MVB12B: variants seen among roughly 807,000 people sequenced by gnomAD.
MVB12B encodes the protein multivesicular body subunit 12B, also known as ESCRT-I complex subunit MVB12B.
MVB12B carries 16 observed loss-of-function variants against 41.6 expected under a neutral mutation model. The observed-to-expected ratio is 0.38, with a 90% CI of 0.26 to 0.58. The LOEUF (loss-of-function observed/expected upper bound fraction) is 0.58. Ranked by LOEUF, MVB12B falls within the 20% of genes least tolerant of loss-of-function variation. The pLI is 0.62. For missense variants in MVB12B, 274 were observed against 380.2 expected, an observed-to-expected ratio of 0.72 and a Z score of 2.32; for synonymous variants, 133 against 139.7, an observed-to-expected ratio of 0.95 and a Z score of 0.34.
chr9:126,487,809 T>C (rs953263988), intron 9 of MVB12B, among the ~76,000 whole-genome samples: 3 of 151,758 alleles, frequency 2.0e-5, no homozygotes, highest in Non-Finnish European at 4.4e-5. Flanking sequence ...GTATTTGCTA[T>C]TGAAGTAAAT....
At chr9:126,388,926 G>A (rs970127140) in intron 4 of MVB12B, among the ~76,000 whole-genome samples, 10 of 152,144 alleles carry the variant, frequency 6.6e-5, no homozygotes, top group Middle Eastern at 3.2e-3. Context: ...ATTGGTGTTC[G>A]TTTTTTGACA....
At chr9:126,347,720 C>T (rs952901392) in intron 2 of MVB12B, among the ~76,000 whole-genome samples, 1 of 152,142 alleles carries the variant, frequency 6.6e-6, no homozygotes, top group African/African-American at 2.4e-5. Flanking sequence ...ATATAGTGCT[C>T]AAGGAATTTT....
chr9:126,466,663 T>C (rs1386207990), intron 7 of MVB12B, among the ~76,000 whole-genome samples: 2 of 152,174 alleles, frequency 1.3e-5, no homozygotes, highest in African/African-American at 4.8e-5. Flanking sequence ...TATTGTTGAA[T>C]TTATTTACAT....
In MVB12B at chr9:126,326,971, G is replaced by A. The variant is rs1204407399; in HGVS notation, c.42G>A (p.Pro14=). ...CFCVRRSRDP[P]PPQPPPPPPQ... is the part of the protein sequence containing the mutation. ...GCGTGAGACGGAGCCGGGACCCGCC[G>A]CCGCCGCAGCCACCGCCGCCGCCGC... is the stretch of plus-strand genomic sequence containing the variant. The change falls in exon 1 of 10, where the codon CCG becomes CCA. Residue 14 remains proline, a synonymous_variant. Coordinates refer to ENST00000361171, the MANE Select transcript of MVB12B (RefSeq NM_033446.3). 5 of 259,130 alleles carry A rather than the reference G, an allele frequency of 1.9e-5. No homozygotes were observed. Among genetic ancestry groups the A allele is most frequent in the South Asian group, 3.3e-5 (1 of 30,024 alleles). The allele number at this position is 259,130 out of a possible 1,614,324, so 16.1% of individuals were successfully genotyped here.
intron 7 of MVB12B, among the ~76,000 whole-genome samples, chr9:126,424,464 G>A (rs1474193999): frequency 6.6e-6 from 1 of 152,144 alleles, no homozygotes; most frequent in African/African-American, 2.4e-5. Context: ...CCTTGCACAG[G>A]AGTACCCTCC....
rs147322534 is a variant in MVB12B, at chr9:126,359,103, C to T, written c.204+18473C>T. 7.9e-5 allele frequency among the ~76,000 whole-genome samples: 12 copies of T among 151,464 alleles called. No individual in the cohort carries two copies. In the East Asian group the frequency reaches 2.1e-3, roughly 27 times the overall value. ...GGAGACAGGGTCTCACTCTGTTGCC[C>T]AGGCTGGTATCCAGTCTCAGCTTCC... On this transcript the variant is annotated intron_variant, in intron 2 of 9. Coordinates refer to ENST00000361171, the MANE Select transcript of MVB12B (RefSeq NM_033446.3).
At chr9:126,413,121 C>A (rs1156610569) in intron 6 of MVB12B, among the ~76,000 whole-genome samples, 1 of 152,216 alleles carries the variant, frequency 6.6e-6, no homozygotes, top group African/African-American at 2.4e-5. Flanking sequence ...CTCACTCCAA[C>A]CCTCTCCACA....
chr9:126,471,074 T>C (rs572564415), intron 7 of MVB12B, among the ~76,000 whole-genome samples: 47 of 152,334 alleles, frequency 3.1e-4, no homozygotes, highest in Admixed American at 8.5e-4. Context: ...TCAGAGAGAT[T>C]AAATACTTGT....
chr9:126,369,658 G>GT lies in MVB12B; in HGVS notation c.205-11399dup, dbSNP rs1179834676. Among the ~76,000 whole-genome samples the GT allele has an allele frequency of 2.6e-5, 4 of 151,646 alleles. No homozygotes were observed. The South Asian group carries it at 8.3e-4, about 32-fold the overall frequency. On this transcript the variant is annotated intron_variant, in intron 2 of 9. Transcript: ENST00000361171. ...TTTTCACGTGGGTTTTTTTTTGTTTGTTTTTTTGTTTTTTGGCAGATTTTC... is the reference window on the plus strand; with the variant it reads ...TTTTCACGTGGGTTTTTTTTTGTTTGTTTTTTTTGTTTTTTGGCAGATTTTC...
chr9:126,369,061 C>T (rs1830263522), intron 2 of MVB12B, among the ~76,000 whole-genome samples: 1 of 152,214 alleles, frequency 6.6e-6, no homozygotes, highest in Non-Finnish European at 1.5e-5. Context: ...GCTGCTCAGC[C>T]TGTAGTTCTT....
At chr9:126,495,678 C>T (rs1438883667) in intron 9 of MVB12B, among the ~76,000 whole-genome samples, 7 of 152,102 alleles carry the variant, frequency 4.6e-5, no homozygotes, top group Non-Finnish European at 1.0e-4. Context: ...CACCTCCACC[C>T]ACCACCCACC....
At chr9:126,453,904 A>G (rs1296116864) in intron 7 of MVB12B, among the ~76,000 whole-genome samples, 2 of 152,194 alleles carry the variant, frequency 1.3e-5, no homozygotes, top group Admixed American at 1.3e-4. Flanking sequence ...GGGCTGGGAC[A>G]AGGGCTCACC....
chr9:126,491,284 G>T (rs538759115), intron 9 of MVB12B, among the ~76,000 whole-genome samples: 1 of 152,194 alleles, frequency 6.6e-6, no homozygotes, highest in African/African-American at 2.4e-5. Flanking sequence ...CCTATGTCCC[G>T]CAGGAATAAA....
Position 126,431,865 on chromosome 9 carries a change from A to G in MVB12B, c.757+9917A>G, listed in dbSNP as rs1386094430. Among the ~76,000 whole-genome samples, 5 of 152,314 alleles carry G rather than the reference A, an allele frequency of 3.3e-5. No homozygotes were observed. The South Asian group carries it at 1.0e-3, about 32-fold the overall frequency. Reference sequence around the variant, plus strand: ...CCATATCAGCAATTGCAGTAACAATATCGATCATTTGAACATAGCAATAGG... The same window carrying G: ...CCATATCAGCAATTGCAGTAACAATGTCGATCATTTGAACATAGCAATAGG... On this transcript the variant is annotated intron_variant, in intron 7 of 9. Transcript: ENST00000361171.
At chr9:126,413,543 C>T (rs113255401) in intron 6 of MVB12B, among the ~76,000 whole-genome samples, 616 of 152,250 alleles carry the variant, frequency 4.0e-3, no homozygotes, top group Admixed American at 7.1e-3. Context: ...CATTACTTCC[C>T]CTTTCTTAAG....
intron 9 of MVB12B, among the ~76,000 whole-genome samples, chr9:126,501,148 G>A (rs113747083): frequency 0.014 from 2,203 of 152,346 alleles, 56 homozygotes; most frequent in African/African-American, 0.049. Context: ...GCCTGTGCCT[G>A]GTGGTTGGCG....
At chr9:126,412,405 GC>G (rs1388863200) in intron 6 of MVB12B, among the ~76,000 whole-genome samples, 5 of 151,986 alleles carry the variant, frequency 3.3e-5, no homozygotes, top group Non-Finnish European at 2.9e-5. Context: ...TTCTTCTGCT[GC>G]CCCCACAATC....
chr9:126,383,502 T>C (rs1019070851), intron 3 of MVB12B, among the ~76,000 whole-genome samples: 2 of 152,288 alleles, frequency 1.3e-5, no homozygotes, highest in South Asian at 4.1e-4. Context: ...GAATATTAAG[T>C]TGGTTATCTG....
intron 7 of MVB12B, among the ~76,000 whole-genome samples, chr9:126,471,411 G>C (rs1441456878): frequency 6.6e-6 from 1 of 152,236 alleles, no homozygotes; most frequent in Non-Finnish European, 1.5e-5. Flanking sequence ...TCACGCGGGG[G>C]ACTCGGGAGG....
Sources: allele counts gnomAD v4.1 joint callset (sites outside exome capture counted in the v4.1 genomes callset), GRCh38; gene constraint gnomAD v4.1.1; transcripts MANE v1.5; gene names NCBI Gene and HGNC (gene_info 2026-07-23, HGNC 2026-07-21).